Variants in SCN1A observed in about 807,000 individuals in gnomAD.
The protein encoded by SCN1A is sodium channel protein type 1 subunit alpha.
A neutral mutation model predicts 193.7 loss-of-function variants in SCN1A; 13 were observed. That is an observed-to-expected ratio of 0.07 (90% CI 0.04 to 0.11). The LOEUF (loss-of-function observed/expected upper bound fraction) is 0.11, where lower values mean the gene tolerates loss of function less well. Ranked by LOEUF, SCN1A falls within the 10% of genes least tolerant of loss-of-function variation. SCN1A has a pLI of 1.00. For missense variants in SCN1A, 1,432 were observed against 2,451.1 expected (o/e 0.58, Z 8.78); for synonymous variants, 781 against 843.6 (o/e 0.93, Z 1.29).
intron 2 of SCN1A, among the ~76,000 whole-genome samples, chr2:166,088,046 A>G (rs1686332501): frequency 7.1e-6 from 1 of 140,520 alleles, no homozygotes; most frequent in Non-Finnish European, 1.5e-5. Flanking sequence ...CAATCCCACA[A>G]TCTGTGTGTT....
At chr2:166,072,789 TTTCC>T (rs3032639) in intron 4 of SCN1A, among the ~76,000 whole-genome samples, 1,786 of 144,528 alleles carry the variant, frequency 0.012, 17 homozygotes, top group Admixed American at 0.018. Flanking sequence ...TGCCTCTTTC[TTTCC>T]TTCCTTCCTT....
chr2:166,064,452 G>T (rs1192966845), intron 4 of SCN1A, among the ~76,000 whole-genome samples: 3 of 152,104 alleles, frequency 2.0e-5, no homozygotes, highest in African/African-American at 7.2e-5. Context: ...TGTACATGTG[G>T]ATTGAAATCT....
At chr2:166,048,597 C>G (rs1698131962) in intron 10 of SCN1A, among the ~76,000 whole-genome samples, 1 of 152,082 alleles carries the variant, frequency 6.6e-6, no homozygotes, top group Non-Finnish European at 1.5e-5. Flanking sequence ...TTTATCCAGC[C>G]TATCATTGAT....
At chr2:166,060,327 C>G (rs1683159304) in intron 4 of SCN1A, 1 of 152,092 alleles carries the variant, frequency 6.6e-6, no homozygotes, top group East Asian at 1.9e-4. Flanking sequence ...AATACTTAGC[C>G]CTCTTTTTCT....
chr2:166,131,492 A>T (rs1691660283), upstream of SCN1A, among the ~76,000 whole-genome samples: 1 of 151,964 alleles, frequency 6.6e-6, no homozygotes, highest in African/African-American at 2.4e-5. Context: ...TTATAATGGG[A>T]CATAATCTCT....
Position 165,991,162 on chromosome 2 carries a change from C to A in SCN1A, c.*83G>T. On this transcript the variant is annotated 3_prime_UTR_variant, in exon 29 of 29. Coordinates refer to ENST00000674923, the MANE Select transcript of SCN1A (RefSeq NM_001165963.4). ...AAACAGTCAGTTTGGCATTGACCTCCTAAAGGAGTCCTGTTGATAAAAATA... is the reference window on the plus strand; with the variant it reads ...AAACAGTCAGTTTGGCATTGACCTCATAAAGGAGTCCTGTTGATAAAAATA... 7.7e-7 allele frequency: 1 copy of A among 1,295,740 alleles called. No individual in the cohort carries two copies. The highest frequency in any genetic ancestry group is 2.5e-5 in the East Asian group (1 of 39,820). The allele number at this position is 1,295,740 out of a possible 1,614,324, so 80.3% of individuals were successfully genotyped here.
At chr2:166,020,840 G>C (rs1372761957) in intron 19 of SCN1A, among the ~76,000 whole-genome samples, 1 of 151,922 alleles carries the variant, frequency 6.6e-6, no homozygotes, top group African/African-American at 2.4e-5. Flanking sequence ...AAACTAAACA[G>C]AAATAATAGA....
Position 165,991,256 on chromosome 2 carries a change from T to C in SCN1A, c.6019A>G (p.Lys2007Glu), listed in dbSNP as rs761426364. ...TTATTTATTTTCATTTATTTCCCTT[T>C]GGCTTTTTCATCTTTGCCTTCTTGC... ...HEQEGKDEKA[K>E]GK Residue 2007 changes from lysine to glutamate, a missense_variant, in exon 29 of 29, where the codon AAA becomes GAA. By Grantham distance (56) the Lys-to-Glu change is moderately conservative. Coordinates refer to ENST00000674923, the MANE Select transcript of SCN1A (RefSeq NM_001165963.4). The C allele has an allele frequency of 6.2e-7, 1 of 1,613,060 alleles. No homozygotes were observed. The highest frequency in any genetic ancestry group is 8.5e-7 in the Non-Finnish European group (1 of 1,179,444).
At chr2:165,995,154 C>G (rs1376731957) in intron 27 of SCN1A, among the ~76,000 whole-genome samples, 1 of 151,828 alleles carries the variant, frequency 6.6e-6, no homozygotes, top group Non-Finnish European at 1.5e-5. Flanking sequence ...CTGAGGAATT[C>G]TGAGGGAATT....
At position 166,003,814 on chromosome 2, in the gene SCN1A, A is replaced by T. The variant is rs184604727; in HGVS notation, c.4003-1061T>A. 2.0e-5 allele frequency among the ~76,000 whole-genome samples: 3 copies of T among 151,608 alleles called. No homozygotes were observed. In the East Asian group the frequency reaches 5.8e-4, roughly 30 times the overall value. ...TGATCCAATGGAAGTAGTCGTCAAA[A>T]CATCTTCTATTTGCCATTTGATGCC... On this transcript the variant is annotated intron_variant, in intron 23 of 28. Transcript: ENST00000674923.
At chr2:166,087,321 C>T (rs1686246822) in intron 2 of SCN1A, among the ~76,000 whole-genome samples, 1 of 152,040 alleles carries the variant, frequency 6.6e-6, no homozygotes, top group Non-Finnish European at 1.5e-5. Flanking sequence ...ACAAAATTAG[C>T]TGGGCATGGT....
intron 1 of SCN1A, among the ~76,000 whole-genome samples, chr2:166,146,218 G>C (rs1014058206): frequency 6.6e-6 from 1 of 151,972 alleles, no homozygotes; most frequent in Non-Finnish European, 1.5e-5. Flanking sequence ...CTGTGGTATT[G>C]GTAGATACCT....
chr2:166,026,496 G>A (rs1205796707), intron 19 of SCN1A, among the ~76,000 whole-genome samples: 1 of 151,766 alleles, frequency 6.6e-6, no homozygotes, highest in Non-Finnish European at 1.5e-5. Context: ...ATTCAATAAC[G>A]GCAAAACTAA....
In SCN1A at chr2:166,136,207, G is replaced by A. The variant is rs141795300; in HGVS notation, c.-50+12840C>T. Among the ~76,000 whole-genome samples the A allele has an allele frequency of 6.8e-3, 1,036 of 152,156 alleles. 6 individuals are homozygous for A. The highest frequency in any genetic ancestry group is 1.0e-2 in the Non-Finnish European group (677 of 68,002). ...TCCTCATCTTTGTGGGGAAGAGCAGGCTAAATAAAGTAGGTAAGGACACCT... is the reference window on the plus strand; with the variant it reads ...TCCTCATCTTTGTGGGGAAGAGCAGACTAAATAAAGTAGGTAAGGACACCT... On this transcript the variant is annotated intron_variant, in intron 1 of 26. Transcript: ENST00000635750.
At chr2:166,084,602 G>C (rs1363560290) in intron 2 of SCN1A, among the ~76,000 whole-genome samples, 1 of 152,098 alleles carries the variant, frequency 6.6e-6, no homozygotes, top group African/African-American at 2.4e-5. Context: ...GCCAACACTA[G>C]CATTTTAACA....
At chr2:166,051,595 G>T in intron 9 of SCN1A, 124 bp downstream of exon 9, 1 of 695,874 alleles carries the variant, frequency 1.4e-6, no homozygotes, top group Non-Finnish European at 2.4e-6. Context: ...TTTGATACAG[G>T]CCTGCAATGT....
intron 1 of SCN1A, among the ~76,000 whole-genome samples, chr2:166,141,427 C>G (rs563327230): frequency 6.6e-6 from 1 of 151,902 alleles, no homozygotes; most frequent in South Asian, 2.1e-4. Flanking sequence ...CATGGTGTTT[C>G]ACACTTGTAA....
At chr2:166,010,262 G>A (rs1692253689) in intron 22 of SCN1A, among the ~76,000 whole-genome samples, 1 of 151,108 alleles carries the variant, frequency 6.6e-6, no homozygotes, top group Admixed American at 6.6e-5. Context: ...AAAGCAGGAA[G>A]TTTCTACTGT....
At chr2:166,050,629 ATATATATATG>A (rs1194657746) in intron 9 of SCN1A, among the ~76,000 whole-genome samples, 10 of 79,148 alleles carry the variant, frequency 1.3e-4, no homozygotes, top group African/African-American at 2.3e-4. Flanking sequence ...ATATATATAT[ATATATATATG>A]TGTGTATATA....
Sources: allele counts gnomAD v4.1 joint callset (sites outside exome capture counted in the v4.1 genomes callset), GRCh38; gene constraint gnomAD v4.1.1; transcripts MANE v1.5; gene names NCBI Gene and HGNC (gene_info 2026-07-23, HGNC 2026-07-21).